Variants in AK5 observed in about 807,000 individuals in gnomAD.
The protein encoded by AK5 is adenylate kinase isoenzyme 5.
Under a neutral mutation model 69.5 loss-of-function variants are expected in AK5, and 27 were observed. That is an observed-to-expected ratio of 0.39 (90% confidence interval 0.29 to 0.54). The LOEUF is 0.54. AK5 is among the 20% of genes least tolerant of loss of function. AK5 has a pLI of 0.71. For synonymous variants in AK5, 260 were observed against 244.4 expected, an observed-to-expected ratio of 1.06 and a Z score of -0.60; for missense variants, 531 against 700.4, an observed-to-expected ratio of 0.76 and a Z score of 2.73.
rs554666621 is a variant in AK5 at position 77,506,770 on chromosome 1, G to A, written c.1148-11794G>A. Among the ~76,000 whole-genome samples, 13 of 152,220 alleles carry A rather than the reference G, an allele frequency of 8.5e-5. No homozygotes were observed. The East Asian group carries it at 1.9e-3, about 23-fold the overall frequency. On this transcript the variant is annotated intron_variant, in intron 10 of 13. Transcript: ENST00000354567. ...TCCTAGCATTCTGGGAGGCTGAAGCGGGCAGATCACTTGAGGCCAGGAGTT... is the reference window on the plus strand; with the variant it reads ...TCCTAGCATTCTGGGAGGCTGAAGCAGGCAGATCACTTGAGGCCAGGAGTT...
chr1:77,538,842 G>A (rs1396861082), intron 13 of AK5, among the ~76,000 whole-genome samples: 2 of 152,138 alleles, frequency 1.3e-5, no homozygotes, highest in South Asian at 4.1e-4. Flanking sequence ...ACAGGGTTGA[G>A]TTCTCAGACA....
At chr1:77,403,566 T>G (rs1431068376) in intron 6 of AK5, among the ~76,000 whole-genome samples, 1 of 152,230 alleles carries the variant, frequency 6.6e-6, no homozygotes, top group Non-Finnish European at 1.5e-5. Context: ...CCTTTCCCCA[T>G]TGCTTGTTTT....
At chr1:77,363,821 T>G (rs1646905830) in intron 6 of AK5, among the ~76,000 whole-genome samples, 1 of 152,190 alleles carries the variant, frequency 6.6e-6, no homozygotes, top group South Asian at 2.1e-4. Flanking sequence ...CTATTAAAAA[T>G]GCAACACCCC....
Position 77,518,736 on chromosome 1 carries a change from C to T in AK5, c.1311+9C>T. The T allele has an allele frequency of 6.2e-7, 1 of 1,613,476 alleles. No individual in the cohort carries two copies. Among genetic ancestry groups the T allele is most frequent in the Non-Finnish European group, 8.5e-7 (1 of 1,179,544 alleles). On this transcript the variant is annotated intron_variant, in intron 11 of 13. Transcript: ENST00000354567. ...GAGACCTGGTGCCCTCAGTAAGCAA[C>T]ATGGCCTGACCCACATTACTGCCTT...
intron 8 of AK5, among the ~76,000 whole-genome samples, chr1:77,419,975 C>T (rs1178532320): frequency 3.9e-5 from 6 of 152,072 alleles, no homozygotes; most frequent in Non-Finnish European, 8.8e-5. Context: ...TGGACACCGA[C>T]TGTGTGCCAG....
chr1:77,461,056 C>T (rs534299760), intron 8 of AK5, among the ~76,000 whole-genome samples: 16 of 133,622 alleles, frequency 1.2e-4, no homozygotes, highest in African/African-American at 2.3e-4. Flanking sequence ...TTTTTTGAGA[C>T]GGAGTCTGGG....
chr1:77,414,323 G>A (rs1041436934), intron 7 of AK5, among the ~76,000 whole-genome samples: 1 of 152,212 alleles, frequency 6.6e-6, no homozygotes, highest in African/African-American at 2.4e-5. Flanking sequence ...AGAGGGTGCA[G>A]TTTAAGGGTT....
intron 5 of AK5, among the ~76,000 whole-genome samples, chr1:77,317,025 A>G (rs1660278928): frequency 1.3e-5 from 2 of 152,180 alleles, no homozygotes; most frequent in African/African-American, 2.4e-5. Context: ...CGTGCTTTAT[A>G]TGGGTCAGGA....
At chr1:77,367,750 ATATGT>A (rs1340957363) in intron 6 of AK5, among the ~76,000 whole-genome samples, 2 of 27,006 alleles carry the variant, frequency 7.4e-5, no homozygotes, top group African/African-American at 2.0e-4. Flanking sequence ...TATATGTTAT[ATATGT>A]TATATATAAT....
At chr1:77,357,619 G>A (rs1347124516) in intron 6 of AK5, among the ~76,000 whole-genome samples, 1 of 152,244 alleles carries the variant, frequency 6.6e-6, no homozygotes, top group East Asian at 1.9e-4. Flanking sequence ...CTCTTCTACT[G>A]CATGCTCAGT....
intron 6 of AK5, among the ~76,000 whole-genome samples, chr1:77,364,766 C>A (rs562333661): frequency 2.6e-5 from 4 of 152,118 alleles, no homozygotes; most frequent in Admixed American, 6.6e-5. Flanking sequence ...TTTATCCATT[C>A]GTCTGTTGAT....
chr1:77,376,491 A>T (rs1171960657), intron 6 of AK5, among the ~76,000 whole-genome samples: 3 of 147,220 alleles, frequency 2.0e-5, no homozygotes, highest in Non-Finnish European at 3.0e-5. Flanking sequence ...GTCATTACTG[A>T]CTTCATGAGT....
In AK5 at chr1:77,329,445, T is replaced by A. The variant is rs562289513; in HGVS notation, c.700-10932T>A. 2.0e-5 allele frequency among the ~76,000 whole-genome samples: 3 copies of A among 152,174 alleles called. No homozygotes were observed. In the East Asian group the frequency reaches 5.8e-4, roughly 30 times the overall value. ...ATGGAGCCCATAAATTTGCATTTTT[T>A]AAATGGGGTGTTTCTGTGTTGCCCA... On this transcript the variant is annotated intron_variant, in intron 5 of 13. Coordinates refer to ENST00000354567, the MANE Select transcript of AK5 (RefSeq NM_174858.3).
chr1:77,505,620 A>G (rs1656979535), intron 10 of AK5, among the ~76,000 whole-genome samples: 1 of 152,188 alleles, frequency 6.6e-6, no homozygotes, highest in Non-Finnish European at 1.5e-5. Context: ...TAATCCCGGC[A>G]CTTTGAGAGA....
chr1:77,352,046 C>T (rs535847251), intron 6 of AK5, among the ~76,000 whole-genome samples: 4 of 151,838 alleles, frequency 2.6e-5, no homozygotes, highest in Admixed American at 1.3e-4. Context: ...TCTCCTGCCT[C>T]AGCCTCCCAA....
chr1:77,459,766 A>G (rs977574996), intron 8 of AK5, among the ~76,000 whole-genome samples: 1 of 152,198 alleles, frequency 6.6e-6, no homozygotes, highest in Non-Finnish European at 1.5e-5. Flanking sequence ...GGTGGCTATC[A>G]TTATTATCAT....
chr1:77,310,234 A>G (rs1643617663), intron 5 of AK5, among the ~76,000 whole-genome samples: 1 of 152,112 alleles, frequency 6.6e-6, no homozygotes, highest in Non-Finnish European at 1.5e-5. Context: ...TTATTCCTGT[A>G]TAGACACTGG....
chr1:77,539,214 C>T (rs1171111251), intron 13 of AK5, among the ~76,000 whole-genome samples: 1 of 152,186 alleles, frequency 6.6e-6, no homozygotes, highest in Admixed American at 6.5e-5. Flanking sequence ...GCCTGTTGGG[C>T]CCAGAACGGG....
At chr1:77,426,111 G>T (rs1168014286) in intron 8 of AK5, among the ~76,000 whole-genome samples, 2 of 152,070 alleles carry the variant, frequency 1.3e-5, no homozygotes, top group African/African-American at 2.4e-5. Context: ...AACAAATATG[G>T]TATATATTAA....
Sources: allele counts gnomAD v4.1 joint callset (sites outside exome capture counted in the v4.1 genomes callset), GRCh38; gene constraint gnomAD v4.1.1; transcripts MANE v1.5; gene names NCBI Gene and HGNC (gene_info 2026-07-23, HGNC 2026-07-21).